Variants in GSAP observed in about 807,000 individuals in gnomAD.
The protein encoded by GSAP is gamma-secretase activating protein.
A neutral mutation model predicts 131.7 loss-of-function variants in GSAP; 118 were observed. The observed-to-expected ratio is 0.90, with a 90% CI of 0.77 to 1.04. GSAP has a LOEUF of 1.04. Ranked by LOEUF, GSAP falls within the 50% of genes least tolerant of loss-of-function variation. The pLI, the probability that GSAP is intolerant of heterozygous loss-of-function variation, is 0.00. For missense variants in GSAP, 1,019 were observed against 1,013.2 expected, an observed-to-expected ratio of 1.01 and a Z score of -0.08; for synonymous variants, 381 against 363.4, an observed-to-expected ratio of 1.05 and a Z score of -0.55.
chr7:77,381,919 T>C (rs1797867200), intron 7 of GSAP, among the ~76,000 whole-genome samples: 1 of 151,084 alleles, frequency 6.6e-6, no homozygotes, highest in Non-Finnish European at 1.5e-5. Context: ...CTGGTCCTAG[T>C]TACAAAACTG....
chr7:77,407,971 T>C (rs572903028), intron 1 of GSAP, among the ~76,000 whole-genome samples: 3 of 152,182 alleles, frequency 2.0e-5, no homozygotes, highest in Non-Finnish European at 4.4e-5. Context: ...CAAAAGAACC[T>C]TCCCCACCAC....
chr7:77,397,422 A>G lies in GSAP; in HGVS notation c.244-7T>C. 6.7e-7 allele frequency: 1 copy of G among 1,482,938 alleles called. No homozygotes were observed. Among genetic ancestry groups the G allele is most frequent in the Non-Finnish European group, 9.3e-7 (1 of 1,071,880 alleles). The allele number at this position is 1,482,938 out of a possible 1,614,324, so 91.9% of individuals were successfully genotyped here. ...TCTCAAAGGTATATAGAAGCTATTA[A>G]AACAAAAATATTTTTTAATTTGAAG... On this transcript the variant is annotated splice_region_variant and splice_polypyrimidine_tract_variant and intron_variant, in intron 3 of 30. Coordinates refer to ENST00000257626, the MANE Select transcript of GSAP (RefSeq NM_017439.4).
intron 14 of GSAP, among the ~76,000 whole-genome samples, chr7:77,357,945 A>G (rs1017153020): frequency 2.6e-5 from 4 of 152,238 alleles, no homozygotes; most frequent in East Asian, 1.9e-4. Context: ...AACTAGCCTG[A>G]TTTGATCATT....
chr7:77,311,951 A>G lies in GSAP; in HGVS notation c.2374-11T>C, dbSNP rs769335045. On this transcript the variant is annotated splice_polypyrimidine_tract_variant and intron_variant, in intron 29 of 30. Transcript: ENST00000257626. ...CATAGAATTCCGAGGCTAAAAGGGAAACCACTTCTGGTGTAAGCTGATTCT... is the reference window on the plus strand; with the variant it reads ...CATAGAATTCCGAGGCTAAAAGGGAGACCACTTCTGGTGTAAGCTGATTCT... 4 of 1,496,090 alleles carry G rather than the reference A, an allele frequency of 2.7e-6. No individual in the cohort carries two copies. In the South Asian group the frequency reaches 4.5e-5, roughly 17 times the overall value. 92.7% of individuals were successfully genotyped at this position (1,496,090 alleles called of 1,614,324 possible).
At chr7:77,397,269 T>C in intron 4 of GSAP, 77 bp downstream of exon 4, 1 of 921,400 alleles carries the variant, frequency 1.1e-6, no homozygotes, top group African/African-American at 1.7e-5. Flanking sequence ...AATTTAATAC[T>C]GCAAAAATCT....
At chr7:77,346,537 C>CA (rs200707510) in intron 19 of GSAP, among the ~76,000 whole-genome samples, 19,872 of 107,634 alleles carry the variant, frequency 0.18, 2,037 homozygotes, top group East Asian at 0.45. Context: ...CTGTCTCTAC[C>CA]AAAAAAAAAA....
At chr7:77,349,293 A>G in intron 19 of GSAP, 58 bp downstream of exon 19, 1 of 1,321,066 alleles carries the variant, frequency 7.6e-7, no homozygotes, top group Non-Finnish European at 1.1e-6. Flanking sequence ...CATAATACTC[A>G]GGCAGCAGAG....
chr7:77,405,054 G>A (rs1802026550), intron 2 of GSAP, among the ~76,000 whole-genome samples: 1 of 152,206 alleles, frequency 6.6e-6, no homozygotes, highest in South Asian at 2.1e-4. Context: ...ATATAACTGT[G>A]CAAAGCAAAC....
chr7:77,349,201 T>TGA, intron 19 of GSAP, 150 bp downstream of exon 19: 1 of 638,472 alleles, frequency 1.6e-6, no homozygotes, highest in Non-Finnish European at 2.8e-6. Flanking sequence ...CACTCACCCA[T>TGA]GTAGGAAGGA....
At chr7:77,411,463 T>C (rs1803269295) in intron 1 of GSAP, among the ~76,000 whole-genome samples, 1 of 152,254 alleles carries the variant, frequency 6.6e-6, no homozygotes, top group South Asian at 2.1e-4. Flanking sequence ...CTATCTATTA[T>C]AGTGCTATAT....
intron 4 of GSAP, 60 bp downstream of exon 4, chr7:77,397,286 T>C (rs1800573328): frequency 9.8e-7 from 1 of 1,019,630 alleles, no homozygotes; most frequent in Non-Finnish European, 1.5e-6. Flanking sequence ...ATCTAATACT[T>C]TGAAACTCTT....
intron 6 of GSAP, 104 bp from the exon 7 acceptor site, chr7:77,382,747 C>G (rs545498994): frequency 1.6e-6 from 1 of 626,810 alleles, no homozygotes; most frequent in South Asian, 1.9e-5. Context: ...ATTGAAGAAA[C>G]TGGGAATCAC....
At chr7:77,402,780 G>T (rs1161340578) in intron 3 of GSAP, among the ~76,000 whole-genome samples, 1 of 151,116 alleles carries the variant, frequency 6.6e-6, no homozygotes, top group Non-Finnish European at 1.5e-5. Flanking sequence ...CGGTTCAGAA[G>T]AAAAATTTGC....
chr7:77,328,846 C>T (rs1049938052), intron 21 of GSAP, among the ~76,000 whole-genome samples: 4 of 152,098 alleles, frequency 2.6e-5, no homozygotes, highest in African/African-American at 7.2e-5. Flanking sequence ...GTGCCAACAA[C>T]GGCAATAATT....
At chr7:77,314,682 T>A (rs1273254719) in intron 26 of GSAP, 193 bp from the exon 27 acceptor site, 1 of 537,262 alleles carries the variant, frequency 1.9e-6, no homozygotes, top group African/African-American at 1.9e-5. Flanking sequence ...GGGTCTATAG[T>A]AAGTTTCCGG....
chr7:77,344,976 GA>G (rs1791577712), intron 19 of GSAP, among the ~76,000 whole-genome samples: 2 of 152,150 alleles, frequency 1.3e-5, no homozygotes, highest in African/African-American at 4.8e-5. Context: ...ATTTTTAAAT[GA>G]AAAGTGTTGT....
chr7:77,371,845 C>T (rs1796163977), intron 12 of GSAP, among the ~76,000 whole-genome samples: 1 of 152,168 alleles, frequency 6.6e-6, no homozygotes, highest in Non-Finnish European at 1.5e-5. Flanking sequence ...AATCCTAAAA[C>T]TGACAGGTGA....
intron 3 of GSAP, among the ~76,000 whole-genome samples, chr7:77,403,732 G>A (rs1482600483): frequency 1.3e-5 from 2 of 152,178 alleles, no homozygotes; most frequent in African/African-American, 2.4e-5. Flanking sequence ...TTTCTTAGAG[G>A]ATATTGAATA....
chr7:77,394,105 A>C (rs1046080144), intron 5 of GSAP, among the ~76,000 whole-genome samples: 2 of 152,196 alleles, frequency 1.3e-5, no homozygotes, highest in African/African-American at 4.8e-5. Context: ...TCCATCTTCC[A>C]CGCAGCAGCT....
Sources: gnomAD v4.1 joint callset for allele counts (sites outside exome capture counted in the v4.1 genomes callset) on GRCh38, gnomAD v4.1.1 for gene constraint, MANE v1.5 for transcripts, NCBI Gene and HGNC (gene_info 2026-07-23, HGNC 2026-07-21) for gene names.